The following ZCCHC7 variants were observed in gnomAD, a reference collection of about 807,000 sequenced individuals.
The protein encoded by ZCCHC7 is zinc finger CCHC-type containing 7.
ZCCHC7 carries 35 observed loss-of-function variants against 52.0 expected under a neutral mutation model. The ratio of observed to expected loss-of-function variants is 0.67; its 90% confidence interval spans 0.51 to 0.89. The LOEUF is 0.89. Ranked by LOEUF, ZCCHC7 falls within the 40% of genes least tolerant of loss-of-function variation. The probability of loss-of-function intolerance (pLI) is 0.00; values close to 1 mark genes in which losing one functional copy is unlikely to be tolerated. For synonymous variants in ZCCHC7, 217 were observed against 221.5 expected (o/e 0.98, Z 0.18); for missense variants, 574 against 649.1 (o/e 0.88, Z 1.26).
chr9:37,172,995 G>A (rs768856990), intron 2 of ZCCHC7, among the ~76,000 whole-genome samples: 1 of 151,970 alleles, frequency 6.6e-6, no homozygotes, highest in Non-Finnish European at 1.5e-5. Flanking sequence ...AGTGAGCAAC[G>A]TGGGCATTCC....
chr9:37,129,236 G>A (rs976858397), intron 2 of ZCCHC7, among the ~76,000 whole-genome samples: 2 of 152,212 alleles, frequency 1.3e-5, no homozygotes, highest in African/African-American at 4.8e-5. Flanking sequence ...TGAATTAGGT[G>A]CTGGATTTAG....
At chr9:37,283,587 T>C (rs973781098) in intron 2 of ZCCHC7, among the ~76,000 whole-genome samples, 2 of 152,220 alleles carry the variant, frequency 1.3e-5, no homozygotes, top group Non-Finnish European at 2.9e-5. Flanking sequence ...TTTAATAATA[T>C]ACTTTTATTT....
chr9:37,226,185 C>T (rs964628021), intron 2 of ZCCHC7, among the ~76,000 whole-genome samples: 1 of 152,030 alleles, frequency 6.6e-6, no homozygotes, highest in African/African-American at 2.4e-5. Flanking sequence ...TTTAAATATG[C>T]CATTTTCACA....
intron 6 of ZCCHC7, among the ~76,000 whole-genome samples, chr9:37,337,495 G>A (rs1025954252): frequency 1.3e-5 from 2 of 150,392 alleles, no homozygotes; most frequent in African/African-American, 2.4e-5. Flanking sequence ...AGACAAGGTC[G>A]ATAGCATTAC....
chr9:37,312,713 A>G (rs1481118330), intron 5 of ZCCHC7, among the ~76,000 whole-genome samples: 1 of 152,244 alleles, frequency 6.6e-6, no homozygotes, highest in Non-Finnish European at 1.5e-5. Flanking sequence ...GCCTGAGGCC[A>G]GGAGTTAGAG....
chr9:37,178,409 CAAAA>C (rs34269738), intron 2 of ZCCHC7, among the ~76,000 whole-genome samples: 1 of 77,832 alleles, frequency 1.3e-5, no homozygotes, highest in Non-Finnish European at 2.4e-5. Flanking sequence ...TACCCCCCAC[CAAAA>C]AAAAAAAAAA....
chr9:37,336,984 G>A (rs530637043), intron 6 of ZCCHC7, among the ~76,000 whole-genome samples: 9 of 152,230 alleles, frequency 5.9e-5, no homozygotes, highest in South Asian at 2.1e-4. Context: ...ATGAATGGCA[G>A]CTCCTCTCCG....
intron 2 of ZCCHC7, among the ~76,000 whole-genome samples, chr9:37,151,700 G>A (rs1034536443): frequency 6.6e-6 from 1 of 152,050 alleles, no homozygotes; most frequent in Admixed American, 6.5e-5. Context: ...AGCTACTTGG[G>A]AGCCTGGGGC....
At chr9:37,260,511 A>G (rs920233939) in intron 2 of ZCCHC7, among the ~76,000 whole-genome samples, 2 of 152,230 alleles carry the variant, frequency 1.3e-5, no homozygotes, top group Admixed American at 1.3e-4. Context: ...GTTCAACTAA[A>G]TAGAGGCCCC....
At chr9:37,179,461 A>C (rs1445776634) in intron 2 of ZCCHC7, among the ~76,000 whole-genome samples, 2 of 152,202 alleles carry the variant, frequency 1.3e-5, no homozygotes, top group African/African-American at 2.4e-5. Flanking sequence ...ATTTAAATGT[A>C]ACTTCATCTG....
chr9:37,147,258 T>A (rs1353217325), intron 2 of ZCCHC7: 1 of 152,024 alleles, frequency 6.6e-6, no homozygotes, highest in East Asian at 1.9e-4. Flanking sequence ...TAATATAGTT[T>A]CATTTTAAGA....
At chr9:37,152,452 T>C (rs1820583359) in intron 2 of ZCCHC7, among the ~76,000 whole-genome samples, 1 of 152,194 alleles carries the variant, frequency 6.6e-6, no homozygotes, top group Non-Finnish European at 1.5e-5. Flanking sequence ...TAATGTTCTT[T>C]TTCTTTTCTA....
intron 2 of ZCCHC7, among the ~76,000 whole-genome samples, chr9:37,275,829 T>A (rs1382882625): frequency 6.6e-6 from 1 of 152,072 alleles, no homozygotes; most frequent in African/African-American, 2.4e-5. Context: ...TTTTTATTTT[T>A]AGTAGACACG....
intron 6 of ZCCHC7, among the ~76,000 whole-genome samples, chr9:37,342,294 T>C (rs1341438144): frequency 6.6e-6 from 1 of 152,098 alleles, no homozygotes; most frequent in Admixed American, 6.6e-5. Flanking sequence ...GCCGATGAGA[T>C]GGGAAAGATT....
At chr9:37,272,160 G>A (rs1374675507) in intron 2 of ZCCHC7, among the ~76,000 whole-genome samples, 1 of 152,142 alleles carries the variant, frequency 6.6e-6, no homozygotes, top group Non-Finnish European at 1.5e-5. Context: ...TGTATCAGAA[G>A]ATCTGGAGAA....
intron 2 of ZCCHC7, among the ~76,000 whole-genome samples, chr9:37,131,769 T>C (rs931943752): frequency 7.2e-5 from 11 of 152,214 alleles, no homozygotes; most frequent in African/African-American, 2.7e-4. Context: ...TCAACACTTT[T>C]CTGATTTTGT....
chr9:37,308,861 G>C (rs1168383472), intron 5 of ZCCHC7, among the ~76,000 whole-genome samples: 2 of 151,672 alleles, frequency 1.3e-5, no homozygotes, highest in African/African-American at 4.8e-5. Flanking sequence ...CACACCTGTA[G>C]TCCCAGCTAC....
intron 6 of ZCCHC7, among the ~76,000 whole-genome samples, chr9:37,338,494 C>T (rs191808154): frequency 6.1e-4 from 93 of 152,182 alleles, no homozygotes; most frequent in African/African-American, 2.2e-3. Flanking sequence ...ATTGGTCATT[C>T]GCAGCTTTTC....
At chr9:37,263,765 CCTTTTTCAAGTTAAGA>C (rs1205977556) in intron 2 of ZCCHC7, among the ~76,000 whole-genome samples, 5 of 152,134 alleles carry the variant, frequency 3.3e-5, no homozygotes, top group Admixed American at 6.5e-5. Context: ...AATTTCTTTT[CCTTTTTCAAGTTAAGA>C]CAGAAAACCC....
Sources: allele counts gnomAD v4.1 joint callset (sites outside exome capture counted in the v4.1 genomes callset), GRCh38; gene constraint gnomAD v4.1.1; transcripts MANE v1.5; gene names NCBI Gene and HGNC (gene_info 2026-07-23, HGNC 2026-07-21).